The following ZNF282 variants were observed in gnomAD, a reference collection of about 807,000 sequenced individuals.
The protein encoded by ZNF282 is zinc finger protein 282.
A neutral mutation model predicts 61.9 loss-of-function variants in ZNF282; 30 were observed. That is an observed-to-expected ratio of 0.48 (90% CI 0.36 to 0.66). The LOEUF is 0.66. Ranked by LOEUF, ZNF282 falls within the 30% of genes least tolerant of loss-of-function variation. The probability of loss-of-function intolerance (pLI) is 0.00; values close to 1 mark genes in which losing one functional copy is unlikely to be tolerated. For synonymous variants in ZNF282, 396 were observed against 405.0 expected, an observed-to-expected ratio of 0.98 and a Z score of 0.27; for missense variants, 788 against 941.4, an observed-to-expected ratio of 0.84 and a Z score of 2.13.
intron 7 of ZNF282, among the ~76,000 whole-genome samples, chr7:149,215,395 G>C (rs942337515): frequency 2.6e-5 from 4 of 151,984 alleles, no homozygotes; most frequent in Non-Finnish European, 1.5e-5. Context: ...TAGAGACGAG[G>C]TTGCACCATG....
intron 7 of ZNF282, among the ~76,000 whole-genome samples, chr7:149,223,100 G>A (rs368807723): frequency 1.3e-5 from 2 of 152,134 alleles, no homozygotes; most frequent in African/African-American, 4.8e-5. Flanking sequence ...TCAGCCTCCT[G>A]AGTAGCTGGG....
chr7:149,223,990 G>A lies in ZNF282; in HGVS notation c.1359G>A (p.Gln453=). The A allele has an allele frequency of 3.2e-6, 4 of 1,264,048 alleles. No individual in the cohort carries two copies. Among genetic ancestry groups the A allele is most frequent in the Non-Finnish European group, 4.0e-6 (4 of 1,005,180 alleles). The allele number at this position is 1,264,048 out of a possible 1,614,324, so 78.3% of individuals were successfully genotyped here. ...GAGGGCTGCTGGACGACGGTTTCCA[G>A]GTGCTGCCCGGGGAGCGTGGCTCCG... is the stretch of plus-strand genomic sequence containing the variant. ...PSRGLLDDGF[Q]VLPGERGSGE... The change falls in exon 8 of 8, where the codon CAG becomes CAA. Residue 453 remains glutamine (Q), a synonymous_variant. Coordinates refer to ENST00000610704, the MANE Select transcript of ZNF282 (RefSeq NM_003575.4).
rs916516387 is a variant in ZNF282 at position 149,222,264 on chromosome 7, A to G, written c.1181-1548A>G. On this transcript the variant is annotated intron_variant, in intron 7 of 7. Coordinates refer to ENST00000610704, the MANE Select transcript of ZNF282 (RefSeq NM_003575.4). The stretch of plus-strand genomic sequence containing the variant: ...GCCACGAGTGCAAGGAGGGCCTGTT[A>G]TGGTGCTGCCAAGGTCCAGGTGGGT... Among the ~76,000 whole-genome samples, 9 of 152,330 alleles carry G rather than the reference A, an allele frequency of 5.9e-5. No individual in the cohort carries two copies. The East Asian group carries it at 1.7e-3, about 29-fold the overall frequency.
At chr7:149,215,415 C>G (rs1796147897) in intron 7 of ZNF282, among the ~76,000 whole-genome samples, 1 of 152,074 alleles carries the variant, frequency 6.6e-6, no homozygotes, top group African/African-American at 2.4e-5. Context: ...GTTGGCCAGG[C>G]TGGTCTCGAA....
At chr7:149,199,387 C>T (rs1795874109) in intron 2 of ZNF282, among the ~76,000 whole-genome samples, 1 of 152,158 alleles carries the variant, frequency 6.6e-6, no homozygotes, top group South Asian at 2.1e-4. Context: ...GTTCCTGTGG[C>T]TTGATGTCCC....
At chr7:149,217,958 C>G (rs12704084) in intron 7 of ZNF282, among the ~76,000 whole-genome samples, 81,013 of 151,626 alleles carry the variant, frequency 0.53, 24,768 homozygotes, top group East Asian at 0.87. Flanking sequence ...AGAAAGGAGA[C>G]TAGGCCGGGT....
At position 149,198,856 on chromosome 7, in the gene ZNF282, C is replaced by T; in HGVS notation, c.585+104C>T. 3 of 1,438,788 alleles carry T rather than the reference C, an allele frequency of 2.1e-6. No homozygotes were observed. Among genetic ancestry groups the T allele is most frequent in the Non-Finnish European group, 2.8e-6 (3 of 1,080,180 alleles). 89.1% of individuals were successfully genotyped at this position (1,438,788 alleles called of 1,614,324 possible). ...CCCTTCTCATAAACTTCTCTGGCTC[C>T]CCGTTATCCAATTTCAGTGTCTTCT... On this transcript the variant is annotated intron_variant, in intron 2 of 7. Coordinates refer to ENST00000610704, the MANE Select transcript of ZNF282 (RefSeq NM_003575.4). The surrounding 1 kb of genome is among the most constrained non-coding windows in gnomAD (Gnocchi z 4.3).
At chr7:149,213,017 T>G (rs1270211904) in intron 6 of ZNF282, among the ~76,000 whole-genome samples, 1 of 152,176 alleles carries the variant, frequency 6.6e-6, no homozygotes, top group Admixed American at 6.5e-5. Flanking sequence ...CCCAAGAAAC[T>G]TGTAGGGAGG....
chr7:149,205,665 G>C (rs1180613583), intron 2 of ZNF282, among the ~76,000 whole-genome samples: 3 of 152,158 alleles, frequency 2.0e-5, no homozygotes, highest in Non-Finnish European at 4.4e-5. Context: ...CCTGGTAAAA[G>C]GGCTGACATT....
At chr7:149,205,874 C>G (rs185814224) in intron 2 of ZNF282, among the ~76,000 whole-genome samples, 66 of 152,198 alleles carry the variant, frequency 4.3e-4, no homozygotes, top group African/African-American at 1.5e-3. Flanking sequence ...GAGTGAAAGG[C>G]TGGTTCAGTC....
At chr7:149,204,724 GT>G (rs1259220409) in intron 2 of ZNF282, among the ~76,000 whole-genome samples, 3 of 152,186 alleles carry the variant, frequency 2.0e-5, no homozygotes, top group Non-Finnish European at 4.4e-5. Flanking sequence ...ATAGCAAGGT[GT>G]CAGCAAGAGA....
At chr7:149,200,524 CT>C (rs1260317494) in intron 2 of ZNF282, among the ~76,000 whole-genome samples, 1 of 152,190 alleles carries the variant, frequency 6.6e-6, no homozygotes, top group East Asian at 1.9e-4. Context: ...AGACCTCTGT[CT>C]TGGCCTTTTG....
intron 7 of ZNF282, among the ~76,000 whole-genome samples, chr7:149,223,111 A>T (rs1368602726): frequency 1.3e-5 from 2 of 151,912 alleles, no homozygotes; most frequent in Non-Finnish European, 2.9e-5. Flanking sequence ...AGTAGCTGGG[A>T]TTACATGCAT....
chr7:149,225,715 G>A lies in ZNF282; in HGVS notation c.*1068G>A, dbSNP rs574547543. 3 of 152,772 alleles carry A rather than the reference G, an allele frequency of 2.0e-5. No individual in the cohort carries two copies. Among genetic ancestry groups the A allele is most frequent in the Non-Finnish European group, 4.4e-5 (3 of 68,152 alleles). The allele number at this position is 152,772 out of a possible 1,614,324, so 9.5% of individuals were successfully genotyped here. On this transcript the variant is annotated 3_prime_UTR_variant, in exon 8 of 8. Coordinates refer to ENST00000610704, the MANE Select transcript of ZNF282 (RefSeq NM_003575.4). ...GCCGGGCAAGTGGGTGCTAGAGTCT[G>A]AGCCTCAGGCTCTCCTGCCCTGGGC...
Position 149,198,897 on chromosome 7 carries a change from C to G in ZNF282, c.585+145C>G. ...AGTGTCTTCTTAAAGCCTGTCTCCA[C>G]TGAAACAACCTGGTCTTGGACGTTC... On this transcript the variant is annotated intron_variant, in intron 2 of 7. Coordinates refer to ENST00000610704, the MANE Select transcript of ZNF282 (RefSeq NM_003575.4). The surrounding 1 kb of genome is among the most constrained non-coding windows in gnomAD (Gnocchi z 4.3). 1 of 1,130,964 alleles carries G rather than the reference C, an allele frequency of 8.8e-7. No individual in the cohort carries two copies. Among genetic ancestry groups the G allele is most frequent in the Non-Finnish European group, 1.2e-6 (1 of 819,234 alleles). 70.1% of individuals were successfully genotyped at this position (1,130,964 alleles called of 1,614,324 possible).
chr7:149,221,305 C>T (rs780028953), intron 7 of ZNF282, among the ~76,000 whole-genome samples: 10 of 152,188 alleles, frequency 6.6e-5, no homozygotes, highest in Admixed American at 2.0e-4. Context: ...AGGCAATCAC[C>T]GTGCCCTTGC....
intron 3 of ZNF282, 32 bp downstream of exon 3, chr7:149,206,854 C>T: frequency 6.2e-7 from 1 of 1,612,810 alleles, no homozygotes; most frequent in Non-Finnish European, 8.5e-7. Context: ...TTTGGTGAGC[C>T]ATCTCTGCAG....
At position 149,224,031 on chromosome 7, in the gene ZNF282, G is replaced by C. The variant is rs1796311448; in HGVS notation, c.1400G>C (p.Gly467Ala). 2.5e-6 allele frequency: 3 copies of C among 1,203,290 alleles called. No homozygotes were observed. The highest frequency in any genetic ancestry group is 3.7e-5 in the South Asian group (1 of 26,930). The allele number at this position is 1,203,290 out of a possible 1,614,324, so 74.5% of individuals were successfully genotyped here. ...CGTGGCTCCGGCGAGGCGCCGCCGGGTGGGGACCGCAGCACCGGGGGCGGC... is the reference window on the plus strand; with the variant it reads ...CGTGGCTCCGGCGAGGCGCCGCCGGCTGGGGACCGCAGCACCGGGGGCGGC... ...GERGSGEAPP[G>A]GDRSTGGGGG... Residue 467 changes from glycine (G) to alanine (A), a missense_variant, in exon 8 of 8, where the codon GGT (glycine) becomes GCT (alanine). Physicochemically the swap from Gly to Ala is moderately conservative, Grantham distance 60. Transcript: ENST00000610704.
intron 4 of ZNF282, among the ~76,000 whole-genome samples, 182 bp downstream of exon 4, chr7:149,207,652 AG>A (rs1796017589): frequency 6.6e-6 from 1 of 152,220 alleles, no homozygotes; most frequent in Non-Finnish European, 1.5e-5. Flanking sequence ...AAGAGATCTC[AG>A]GGCTCAAAAT....
Sources: allele counts gnomAD v4.1 joint callset (sites outside exome capture counted in the v4.1 genomes callset), GRCh38; gene constraint gnomAD v4.1.1; non-coding constraint Gnocchi (gnomAD v3.1); transcripts MANE v1.5; gene names NCBI Gene and HGNC (gene_info 2026-07-23, HGNC 2026-07-21).